The following FTO variants were observed in gnomAD, a reference collection of about 807,000 sequenced individuals.
FTO encodes FTO alpha-ketoglutarate dependent dioxygenase.
A neutral mutation model predicts 63.9 loss-of-function variants in FTO; 47 were observed. That is an observed-to-expected ratio of 0.74 (90% CI 0.58 to 0.94). The LOEUF is 0.94. Ranked by LOEUF, FTO falls within the 40% of genes least tolerant of loss-of-function variation. The pLI is 0.00. For synonymous variants in FTO, 207 were observed against 224.4 expected (o/e 0.92, Z 0.69); for missense variants, 562 against 618.1 (o/e 0.91, Z 0.96).
chr16:53,962,467 T>G (rs1378935309), intron 8 of FTO, among the ~76,000 whole-genome samples: 1 of 152,188 alleles, frequency 6.6e-6, no homozygotes, highest in Non-Finnish European at 1.5e-5. Context: ...GTAGGCTGGT[T>G]GTACTCCATA....
intron 1 of FTO, among the ~76,000 whole-genome samples, chr16:53,775,648 A>G (rs1484034180): frequency 6.6e-6 from 1 of 152,114 alleles, no homozygotes; most frequent in African/African-American, 2.4e-5. Flanking sequence ...GGTGCAATCT[A>G]TCATTCCAGG....
At chr16:53,709,306 C>T (rs529911811) in intron 1 of FTO, among the ~76,000 whole-genome samples, 156 of 152,268 alleles carry the variant, frequency 1.0e-3, no homozygotes, top group Middle Eastern at 6.8e-3. Flanking sequence ...GAATACTATA[C>T]GGTATTCATG....
At chr16:54,001,887 A>G (rs1367368339) in intron 8 of FTO, among the ~76,000 whole-genome samples, 1 of 152,108 alleles carries the variant, frequency 6.6e-6, no homozygotes, top group Non-Finnish European at 1.5e-5. Context: ...AACAGATTGT[A>G]CTCTCAGAAA....
chr16:53,904,425 C>T (rs773692367), intron 7 of FTO, among the ~76,000 whole-genome samples: 3 of 152,176 alleles, frequency 2.0e-5, no homozygotes, highest in Non-Finnish European at 4.4e-5. Flanking sequence ...ATACATATAG[C>T]GGTTCCCATG....
intron 7 of FTO, among the ~76,000 whole-genome samples, chr16:53,929,556 C>G (rs2082230730): frequency 6.6e-6 from 1 of 152,144 alleles, no homozygotes; most frequent in South Asian, 2.1e-4. Context: ...AGATAAATCC[C>G]TGTAAATGAA....
chr16:53,796,074 A>C (rs1474335020), intron 1 of FTO, among the ~76,000 whole-genome samples: 1 of 134,536 alleles, frequency 7.4e-6, no homozygotes, highest in Non-Finnish European at 1.5e-5. Flanking sequence ...TTGGAGACGG[A>C]GTCTCACTCT....
At chr16:53,761,212 T>C (rs1042801505) in intron 1 of FTO, among the ~76,000 whole-genome samples, 7 of 151,820 alleles carry the variant, frequency 4.6e-5, no homozygotes, top group African/African-American at 1.7e-4. Flanking sequence ...TCCTCCTGCC[T>C]CAGCTTCCCA....
At chr16:53,835,666 T>A (rs61429622) in intron 3 of FTO, among the ~76,000 whole-genome samples, 40,268 of 151,966 alleles carry the variant, frequency 0.26, 5,745 homozygotes, top group African/African-American at 0.37. Flanking sequence ...ACTGTCATTG[T>A]GTAGGGCTTT....
chr16:53,715,409 A>G (rs984191175), intron 1 of FTO, among the ~76,000 whole-genome samples: 1 of 152,194 alleles, frequency 6.6e-6, no homozygotes, highest in Admixed American at 6.6e-5. Flanking sequence ...ATTTGCAGGT[A>G]GCAAATGTCA....
chr16:53,778,718 C>A (rs1406456420), intron 1 of FTO, among the ~76,000 whole-genome samples: 3 of 152,100 alleles, frequency 2.0e-5, no homozygotes, highest in Non-Finnish European at 2.9e-5. Flanking sequence ...GAAAATTTCT[C>A]TCCTGTCCTG....
chr16:53,704,334 A>G (rs886933686), intron 1 of FTO, 105 bp downstream of exon 1: 6 of 1,114,080 alleles, frequency 5.4e-6, no homozygotes, highest in African/African-American at 1.5e-5. Flanking sequence ...GTGTTAAACT[A>G]AGGGATGACA....
At chr16:53,844,070 T>C in intron 3 of FTO, 85 bp from the exon 4 acceptor site, 1 of 1,027,800 alleles carries the variant, frequency 9.7e-7, no homozygotes, top group African/African-American at 1.6e-5. Context: ...TATTAAAATA[T>C]CAATTCTTTC....
rs150780170 is a variant in FTO, at chr16:53,737,310, A to G, written c.45+33081A>G. Reference sequence around the variant, plus strand: ...TCATGCATTGCTTAATGACAAGGATACATTCTGAGAAATGCATTGTTAGGC... The same window carrying G: ...TCATGCATTGCTTAATGACAAGGATGCATTCTGAGAAATGCATTGTTAGGC... On this transcript the variant is annotated intron_variant, in intron 1 of 8. Coordinates refer to ENST00000471389, the MANE Select transcript of FTO (RefSeq NM_001080432.3). 1.2e-4 allele frequency among the ~76,000 whole-genome samples: 18 copies of G among 152,358 alleles called. No homozygotes were observed. In the East Asian group the frequency reaches 3.3e-3, roughly 28 times the overall value.
rs566580106 is a variant in FTO, at chr16:54,118,540, A to G, written c.*6625A>G. On this transcript the variant is annotated 3_prime_UTR_variant, in exon 9 of 9. Coordinates refer to ENST00000471389, the MANE Select transcript of FTO (RefSeq NM_001080432.3). Reference sequence around the variant, plus strand: ...ACATCCGGCTAATTTTTTTGTAGAGACAGGATTTCACCACATTACACAGGC... The same window carrying G: ...ACATCCGGCTAATTTTTTTGTAGAGGCAGGATTTCACCACATTACACAGGC... 1.3e-5 allele frequency: 2 copies of G among 152,010 alleles called. No homozygotes were observed. Among genetic ancestry groups the G allele is most frequent in the African/African-American group, 4.8e-5 (2 of 41,452 alleles). The allele number at this position is 152,010 out of a possible 1,614,324, so 9.4% of individuals were successfully genotyped here.
At chr16:53,709,736 G>T (rs1661307919) in intron 1 of FTO, among the ~76,000 whole-genome samples, 1 of 152,094 alleles carries the variant, frequency 6.6e-6, no homozygotes, top group South Asian at 2.1e-4. Context: ...ATCTTGCTGT[G>T]TTCACTTTAT....
At chr16:53,810,383 G>T (rs1023897264) in intron 2 of FTO, among the ~76,000 whole-genome samples, 166 bp downstream of exon 2, 3 of 152,122 alleles carry the variant, frequency 2.0e-5, no homozygotes, top group African/African-American at 4.8e-5. Flanking sequence ...CTTCAGAATC[G>T]GCTTTTTGCT....
intron 8 of FTO, among the ~76,000 whole-genome samples, chr16:54,011,529 C>T (rs1259244780): frequency 6.6e-6 from 1 of 152,106 alleles, no homozygotes; most frequent in Non-Finnish European, 1.5e-5. Flanking sequence ...TTTTACTGGG[C>T]TTCACTTTCT....
chr16:54,067,398 T>C (rs2144426548), intron 8 of FTO, among the ~76,000 whole-genome samples: 1 of 152,304 alleles, frequency 6.6e-6, no homozygotes, highest in Non-Finnish European at 1.5e-5. Flanking sequence ...TAAGCGGCCA[T>C]TATGAATTAT....
chr16:54,081,445 C>T (rs1380183777), intron 8 of FTO, among the ~76,000 whole-genome samples: 1 of 152,110 alleles, frequency 6.6e-6, no homozygotes, highest in African/African-American at 2.4e-5. Flanking sequence ...CAGCCTGACA[C>T]CCAATCAGGA....
Sources: gnomAD v4.1 joint callset for allele counts (sites outside exome capture counted in the v4.1 genomes callset) on GRCh38, gnomAD v4.1.1 for gene constraint, MANE v1.5 for transcripts, NCBI Gene and HGNC (gene_info 2026-07-23, HGNC 2026-07-21) for gene names.